TANC2: variants seen among roughly 807,000 people sequenced by gnomAD.
TANC2 encodes the protein protein TANC2.
In TANC2, 26 loss-of-function variants were observed where a neutral mutation model predicts 210.5. The observed-to-expected ratio is 0.12, with a 90% CI of 0.09 to 0.17. The LOEUF (loss-of-function observed/expected upper bound fraction) is 0.17. TANC2 is among the 10% of genes least tolerant of loss of function. TANC2 has a pLI of 1.00. For synonymous variants in TANC2, 931 were observed against 967.1 expected, an observed-to-expected ratio of 0.96 and a Z score of 0.69; for missense variants, 2,129 against 2,608.9, an observed-to-expected ratio of 0.82 and a Z score of 4.01.
At chr17:62,974,456 A>G (rs1209416626) in intron 1 of TANC2, among the ~76,000 whole-genome samples, 2 of 152,218 alleles carry the variant, frequency 1.3e-5, no homozygotes, top group East Asian at 3.8e-4. Flanking sequence ...TGTTAGGCAG[A>G]CACCTTGTGT....
intron 20 of TANC2, among the ~76,000 whole-genome samples, chr17:63,405,540 G>C (rs1208403669): frequency 6.6e-6 from 1 of 152,216 alleles, no homozygotes; most frequent in Non-Finnish European, 1.5e-5. Flanking sequence ...CTCCTTGGAA[G>C]GTTCATTTCT....
chr17:63,220,712 A>AT (rs2042150339), intron 7 of TANC2, among the ~76,000 whole-genome samples: 14 of 141,230 alleles, frequency 9.9e-5, no homozygotes, highest in African/African-American at 3.8e-4. Flanking sequence ...TCAAAAAAAA[A>AT]AAAAAAAATA....
At chr17:63,377,331 G>A (rs944833882) in intron 14 of TANC2, among the ~76,000 whole-genome samples, 40 of 152,104 alleles carry the variant, frequency 2.6e-4, no homozygotes, top group African/African-American at 9.7e-4. Flanking sequence ...GCATTGTCAG[G>A]CTGCAAATTT....
Position 63,370,339 on chromosome 17 carries a change from C to T in TANC2, c.2583-9379C>T, listed in dbSNP as rs773551907. On this transcript the variant is annotated intron_variant, in intron 14 of 27. Transcript: ENST00000689528. ...GACTACAGGCATCCGCCACCACTCC[C>T]GGCTAATTTTTTGTATTTTTAGTAG... Among the ~76,000 whole-genome samples, 12 of 152,172 alleles carry T rather than the reference C, an allele frequency of 7.9e-5. No individual in the cohort carries two copies. The East Asian group carries it at 9.7e-4, about 12-fold the overall frequency.
At chr17:63,351,166 C>CAAAG in intron 12 of TANC2, 84 bp from the exon 13 acceptor site, 7 of 1,254,240 alleles carry the variant, frequency 5.6e-6, no homozygotes, top group Non-Finnish European at 7.7e-6. Flanking sequence ...TATTTTGTTC[C>CAAAG]AAAGAAATAT....
In TANC2 at chr17:63,146,048, T is replaced by A. The variant is rs117740628; in HGVS notation, c.323-5222T>A. On this transcript the variant is annotated intron_variant, in intron 4 of 27. Transcript: ENST00000689528. Reference sequence around the variant, plus strand: ...CCCAGTCCATGAAGAATGGATGCCTTTTCATTTATTTGTACCTTCTTTAAT... The same window carrying A: ...CCCAGTCCATGAAGAATGGATGCCTATTCATTTATTTGTACCTTCTTTAAT... Among the ~76,000 whole-genome samples, 1,442 of 152,208 alleles carry A rather than the reference T, an allele frequency of 9.5e-3. 16 individuals carry two copies. Among genetic ancestry groups the A allele is most frequent in the Non-Finnish European group, 0.013 (873 of 67,986 alleles).
intron 9 of TANC2, among the ~76,000 whole-genome samples, chr17:63,288,747 AT>A (rs1035656606): frequency 2.0e-5 from 3 of 152,146 alleles, no homozygotes; most frequent in Non-Finnish European, 2.9e-5. Flanking sequence ...TAAAAAAAAA[AT>A]AAAAGTTTGT....
intron 17 of TANC2, chr17:63,389,952 A>T (rs1238154267): frequency 3.7e-5 from 9 of 241,714 alleles, no homozygotes; most frequent in Non-Finnish European, 7.3e-5. Context: ...AAGAAAACTT[A>T]GCCATGGAGA....
At chr17:63,276,490 C>T (rs1195114970) in intron 9 of TANC2, among the ~76,000 whole-genome samples, 1 of 149,586 alleles carries the variant, frequency 6.7e-6, no homozygotes, top group Admixed American at 6.7e-5. Context: ...TGGGTTTTCC[C>T]TTTCTTTTTT....
chr17:63,032,562 A>G (rs976699128), intron 2 of TANC2, among the ~76,000 whole-genome samples: 2 of 152,118 alleles, frequency 1.3e-5, no homozygotes, highest in Non-Finnish European at 2.9e-5. Context: ...TGGTATGGAG[A>G]AAAGAATCGA....
chr17:63,355,980 C>T (rs541035892), intron 14 of TANC2, among the ~76,000 whole-genome samples: 2 of 152,172 alleles, frequency 1.3e-5, no homozygotes, highest in African/African-American at 4.8e-5. Context: ...CTATAAAGGC[C>T]TTAAGATGCT....
chr17:63,035,150 C>T (rs531826316), intron 2 of TANC2, among the ~76,000 whole-genome samples: 5 of 152,234 alleles, frequency 3.3e-5, no homozygotes, highest in Admixed American at 1.3e-4. Context: ...AACTACCCCC[C>T]GATCAGTCAG....
intron 15 of TANC2, among the ~76,000 whole-genome samples, chr17:63,384,017 AAACCCTGTCTCTCTTAATTCCTG>A (rs2047696960): frequency 6.6e-6 from 1 of 152,172 alleles, no homozygotes; most frequent in Non-Finnish European, 1.5e-5. Flanking sequence ...GACTGAGTTC[AAACCCTGTCTCTCTTAATTCCTG>A]ACTGTATGAC....
intron 4 of TANC2, among the ~76,000 whole-genome samples, chr17:63,116,425 T>C (rs1295509092): frequency 6.6e-6 from 1 of 151,960 alleles, no homozygotes; most frequent in African/African-American, 2.4e-5. Flanking sequence ...TCCTGGGAGG[T>C]GAGGGAAAAC....
intron 2 of TANC2, among the ~76,000 whole-genome samples, chr17:63,045,425 A>G (rs533785938): frequency 1.3e-5 from 2 of 152,230 alleles, no homozygotes; most frequent in African/African-American, 4.8e-5. Flanking sequence ...ATTTCAATTT[A>G]TTCAAATCTA....
At chr17:63,366,233 C>G (rs1223456217) in intron 14 of TANC2, among the ~76,000 whole-genome samples, 1 of 152,154 alleles carries the variant, frequency 6.6e-6, no homozygotes, top group Admixed American at 6.5e-5. Flanking sequence ...TGCATTTCAG[C>G]AAGTATTCAG....
At chr17:63,375,742 T>G (rs552796019) in intron 14 of TANC2, among the ~76,000 whole-genome samples, 1 of 152,198 alleles carries the variant, frequency 6.6e-6, no homozygotes, top group South Asian at 2.1e-4. Context: ...TATGGTCTGT[T>G]AAAATAACTT....
In TANC2 at chr17:63,420,846, G is replaced by A. The variant is rs745873428; in HGVS notation, c.5116G>A (p.Val1706Ile). 18 of 1,613,878 alleles carry A rather than the reference G, an allele frequency of 1.1e-5. No homozygotes were observed. Among genetic ancestry groups the A allele is most frequent in the African/African-American group, 4.0e-5 (3 of 74,932 alleles). Residue 1706 changes from valine to isoleucine, a missense_variant, in exon 28 of 28, where the codon GTC (valine) becomes ATC (isoleucine). Val to Ile is a conservative substitution (Grantham distance 29, BLOSUM62 3). Coordinates refer to ENST00000689528, the Ensembl canonical transcript of TANC2. The surrounding 1 kb of genome is among the most constrained non-coding windows in gnomAD (Gnocchi z 4.2). ...GAGAAGTAACCAGCCCAGCCCAGCCGTCCATTCAAGCACCGTCATCCCCAC... is the reference window on the plus strand; with the variant it reads ...GAGAAGTAACCAGCCCAGCCCAGCCATCCATTCAAGCACCGTCATCCCCAC...
chr17:63,137,198 A>G (rs1048290565), intron 4 of TANC2, among the ~76,000 whole-genome samples: 43 of 152,328 alleles, frequency 2.8e-4, no homozygotes, highest in African/African-American at 8.7e-4. Flanking sequence ...CTAGCCTCAG[A>G]GTAAAAAATT....
Sources: allele counts gnomAD v4.1 joint callset (sites outside exome capture counted in the v4.1 genomes callset), GRCh38; gene constraint gnomAD v4.1.1; non-coding constraint Gnocchi (gnomAD v3.1); transcripts MANE v1.5; gene names NCBI Gene and HGNC (gene_info 2026-07-23, HGNC 2026-07-21).